The following CBFA2T2 variants were observed in gnomAD, a reference collection of about 807,000 sequenced individuals.
The protein encoded by CBFA2T2 is protein CBFA2T2.
A neutral mutation model predicts 62.2 loss-of-function variants in CBFA2T2; 11 were observed. The ratio of observed to expected loss-of-function variants is 0.18; its 90% CI spans 0.11 to 0.29. CBFA2T2 has a LOEUF of 0.29. CBFA2T2 is among the 10% of genes least tolerant of loss of function. The pLI is 1.00. For synonymous variants in CBFA2T2, 295 were observed against 287.5 expected (o/e 1.03, Z -0.27); for missense variants, 592 against 774.1 (o/e 0.76, Z 2.79).
intron 1 of CBFA2T2, among the ~76,000 whole-genome samples, chr20:33,590,104 G>T (rs2014549306): frequency 2.0e-5 from 3 of 151,894 alleles, no homozygotes. Context: ...AAATTAGCTG[G>T]ACATGTTGGC....
At chr20:33,601,475 G>T (rs2015130747) in intron 1 of CBFA2T2, among the ~76,000 whole-genome samples, 1 of 151,892 alleles carries the variant, frequency 6.6e-6, no homozygotes, top group African/African-American at 2.4e-5. Flanking sequence ...CTGTTGGCCA[G>T]GCTGATCTTG....
intron 4 of CBFA2T2, among the ~76,000 whole-genome samples, chr20:33,621,330 G>A (rs1332491080): frequency 6.2e-5 from 5 of 81,234 alleles, no homozygotes; most frequent in African/African-American, 1.9e-4. Context: ...ACAAAATCTC[G>A]CCCTGTTGCC....
At chr20:33,545,097 A>T (rs1352476857) in intron 1 of CBFA2T2, among the ~76,000 whole-genome samples, 1 of 152,222 alleles carries the variant, frequency 6.6e-6, no homozygotes, top group Non-Finnish European at 1.5e-5. Context: ...AATGACGTTA[A>T]CCATGTTTTT....
At chr20:33,519,212 G>T (rs767787178) in intron 1 of CBFA2T2, among the ~76,000 whole-genome samples, 12 of 152,130 alleles carry the variant, frequency 7.9e-5, no homozygotes, top group Admixed American at 1.3e-4. Flanking sequence ...GTTCATGCTT[G>T]TAATCCCAGA....
intron 5 of CBFA2T2, chr20:33,623,972 AAG>A: frequency 1.7e-6 from 1 of 601,220 alleles, no homozygotes; most frequent in Non-Finnish European, 3.0e-6. Flanking sequence ...AAAAAAAGAA[AAG>A]AAAAGAAAAA....
intron 1 of CBFA2T2, among the ~76,000 whole-genome samples, chr20:33,597,284 G>A (rs1027017988): frequency 2.0e-5 from 3 of 152,052 alleles, no homozygotes; most frequent in African/African-American, 7.2e-5. Flanking sequence ...TGTCACCTCA[G>A]TAGTAGAAGA....
At chr20:33,528,942 A>G (rs1326715577) in intron 1 of CBFA2T2, among the ~76,000 whole-genome samples, 2 of 152,114 alleles carry the variant, frequency 1.3e-5, no homozygotes, top group Admixed American at 6.5e-5. Context: ...GATGCCACCA[A>G]TTGGCTGGTG....
chr20:33,530,352 A>G (rs777074344), intron 1 of CBFA2T2, among the ~76,000 whole-genome samples: 2 of 152,184 alleles, frequency 1.3e-5, no homozygotes, highest in Non-Finnish European at 2.9e-5. Context: ...ATGAGAGGCA[A>G]TGCTTGGCAT....
chr20:33,535,615 T>A (rs1449162612), intron 1 of CBFA2T2, among the ~76,000 whole-genome samples: 1 of 146,262 alleles, frequency 6.8e-6, no homozygotes, highest in Non-Finnish European at 1.5e-5. Context: ...TTTATTTTTT[T>A]ATTTTTTCTT....
chr20:33,496,409 C>T (rs759885549), intron 1 of CBFA2T2, among the ~76,000 whole-genome samples: 5 of 152,214 alleles, frequency 3.3e-5, no homozygotes, highest in Non-Finnish European at 7.3e-5. Context: ...CTCATTCTGC[C>T]TTCTTAGTTA....
chr20:33,582,723 C>G (rs1379284759), intron 1 of CBFA2T2, among the ~76,000 whole-genome samples: 1 of 152,096 alleles, frequency 6.6e-6, no homozygotes, highest in Non-Finnish European at 1.5e-5. Context: ...AGGCGGATCA[C>G]TTGAGGTCAG....
intron 1 of CBFA2T2, among the ~76,000 whole-genome samples, chr20:33,564,705 G>A (rs1267077692): frequency 6.6e-6 from 1 of 151,948 alleles, no homozygotes; most frequent in East Asian, 1.9e-4. Flanking sequence ...CTGGCCTCCT[G>A]AGTAGCTGGG....
chr20:33,591,179 C>CAAAAAAAAAAAAAAAAAA (rs80021195), intron 1 of CBFA2T2, among the ~76,000 whole-genome samples: 18 of 82,018 alleles, frequency 2.2e-4, no homozygotes, highest in African/African-American at 9.2e-4. Context: ...AACTCCCTCT[C>CAAAAAAAAAAAAAAAAAA]AAAAAAAAAA....
chr20:33,596,774 A>G (rs1250691260), intron 1 of CBFA2T2, among the ~76,000 whole-genome samples: 1 of 152,126 alleles, frequency 6.6e-6, no homozygotes, highest in Non-Finnish European at 1.5e-5. Flanking sequence ...TTCTGTTAGA[A>G]TATCTACTGA....
chr20:33,609,929 G>A (rs1303688559), intron 2 of CBFA2T2, among the ~76,000 whole-genome samples: 1 of 152,152 alleles, frequency 6.6e-6, no homozygotes, highest in Admixed American at 6.5e-5. Context: ...ATATGATTAA[G>A]TGAAAACAGA....
chr20:33,601,152 A>G (rs1215749969), intron 1 of CBFA2T2, among the ~76,000 whole-genome samples: 4 of 152,108 alleles, frequency 2.6e-5, no homozygotes, highest in Non-Finnish European at 5.9e-5. Flanking sequence ...CTGTTAGTCT[A>G]ATCCGCCCAC....
At chr20:33,503,497 C>A in intron 1 of CBFA2T2, among the ~76,000 whole-genome samples, 1 of 152,096 alleles carries the variant, frequency 6.6e-6, no homozygotes, top group Non-Finnish European at 1.5e-5. Context: ...TCGTGATCCG[C>A]CCGCCTCGGC....
chr20:33,537,737 G>A (rs572471732), intron 1 of CBFA2T2, among the ~76,000 whole-genome samples: 78 of 152,238 alleles, frequency 5.1e-4, no homozygotes, highest in African/African-American at 1.3e-3. Context: ...TTTAGTACCA[G>A]TTGTTGAAAG....
intron 1 of CBFA2T2, among the ~76,000 whole-genome samples, chr20:33,490,898 C>T (rs756745058): frequency 6.6e-6 from 1 of 152,202 alleles, no homozygotes; most frequent in Non-Finnish European, 1.5e-5. Flanking sequence ...GACCGTGGCA[C>T]ACACACAATT....
Sources: allele counts gnomAD v4.1 joint callset (sites outside exome capture counted in the v4.1 genomes callset), GRCh38; gene constraint gnomAD v4.1.1; transcripts MANE v1.5; gene names NCBI Gene and HGNC (gene_info 2026-07-23, HGNC 2026-07-21).